ADAM23: variants seen among roughly 807,000 people sequenced by gnomAD.
ADAM23 encodes ADAM metallopeptidase domain 23, also known as disintegrin and metalloproteinase domain-containing protein 23.
In ADAM23, 33 loss-of-function variants were observed where a neutral mutation model predicts 120.1. That is an observed-to-expected ratio of 0.27 (90% CI 0.21 to 0.37). The LOEUF is 0.37. ADAM23 is among the 10% of genes least tolerant of loss of function. The pLI, the probability that ADAM23 is intolerant of heterozygous loss-of-function variation, is 1.00. For missense variants in ADAM23, 862 were observed against 1,058.2 expected, an observed-to-expected ratio of 0.81 and a Z score of 2.57; for synonymous variants, 367 against 375.2, an observed-to-expected ratio of 0.98 and a Z score of 0.25.
intron 18 of ADAM23, among the ~76,000 whole-genome samples, chr2:206,582,473 G>C (rs894894466): frequency 6.6e-6 from 1 of 152,092 alleles, no homozygotes; most frequent in South Asian, 2.1e-4. Flanking sequence ...CAGATGGTTG[G>C]TGAGTTCTTA....
intron 3 of ADAM23, among the ~76,000 whole-genome samples, chr2:206,487,279 A>G (rs2105882763): frequency 6.6e-6 from 1 of 152,334 alleles, no homozygotes; most frequent in East Asian, 1.9e-4. Context: ...TCAGGTCATA[A>G]GAAATGCTGC....
intron 22 of ADAM23, 104 bp downstream of exon 22, chr2:206,592,840 C>T (rs1698451319): frequency 7.3e-7 from 1 of 1,378,016 alleles, no homozygotes; most frequent in African/African-American, 1.5e-5. Flanking sequence ...CTAGTTTTTA[C>T]AAGAGGAAAG....
chr2:206,551,999 C>G (rs999703765), intron 9 of ADAM23, among the ~76,000 whole-genome samples: 3 of 152,242 alleles, frequency 2.0e-5, no homozygotes, highest in Admixed American at 6.5e-5. Context: ...TTCTGAAGGA[C>G]TTTAATTTGC....
rs148310640 is a variant in ADAM23, at chr2:206,552,652, G to T, written c.933+2492G>T. Among the ~76,000 whole-genome samples the T allele has an allele frequency of 6.2e-4, 94 of 151,716 alleles. 1 individual carries two copies. Among genetic ancestry groups the T allele is most frequent in the African/African-American group, 2.0e-3 (84 of 41,446 alleles). ...ATAATTCATTTTATTATTGTTGTTA[G>T]TATTATTATTATTATTGTTATTATT... On this transcript the variant is annotated intron_variant, in intron 9 of 25. Transcript: ENST00000264377.
intron 2 of ADAM23, among the ~76,000 whole-genome samples, chr2:206,468,244 C>T (rs1559220602): frequency 6.6e-6 from 1 of 152,224 alleles, no homozygotes. Context: ...TTTTTCACCA[C>T]ATGGCCAGGC....
At chr2:206,531,486 G>C (rs1697061830) in intron 4 of ADAM23, among the ~76,000 whole-genome samples, 1 of 152,224 alleles carries the variant, frequency 6.6e-6, no homozygotes, top group African/African-American at 2.4e-5. Context: ...ACGGGACATT[G>C]AATATGAGGG....
At chr2:206,530,253 G>T (rs769573727) in intron 3 of ADAM23, among the ~76,000 whole-genome samples, 1 of 152,182 alleles carries the variant, frequency 6.6e-6, no homozygotes. Context: ...CATACTGCCC[G>T]TGGCTGCTTT....
rs562714948 is a variant in ADAM23 at position 206,560,371 on chromosome 2, G to C, written c.1169+253G>C. Among the ~76,000 whole-genome samples, 27 of 151,834 alleles carry C rather than the reference G, an allele frequency of 1.8e-4. No homozygotes were observed. In the East Asian group the frequency reaches 5.2e-3, roughly 29 times the overall value. On this transcript the variant is annotated intron_variant, in intron 11 of 25. Coordinates refer to ENST00000264377, the MANE Select transcript of ADAM23 (RefSeq NM_003812.4). ...GATCAACTCACAATCTAGGATGCCT[G>C]CTGGCCCTCCAGCCTTCATTACTGG...
In ADAM23 at chr2:206,589,348, A is replaced by G. The variant is rs1186002859; in HGVS notation, c.1853-61A>G. 3 of 1,420,072 alleles carry G rather than the reference A, an allele frequency of 2.1e-6. No homozygotes were observed. The African/African-American group carries it at 4.2e-5, about 20-fold the overall frequency. 88.0% of individuals were successfully genotyped at this position (1,420,072 alleles called of 1,614,324 possible). On this transcript the variant is annotated intron_variant, in intron 20 of 25. Coordinates refer to ENST00000264377, the MANE Select transcript of ADAM23 (RefSeq NM_003812.4). ...GGTGTTAAACACTTACTGGCACACT[A>G]CTGGTTATGGATAACAAAGAAAATG...
intron 9 of ADAM23, among the ~76,000 whole-genome samples, chr2:206,553,670 A>T (rs1697581636): frequency 6.6e-6 from 1 of 152,144 alleles, no homozygotes; most frequent in Admixed American, 6.5e-5. Context: ...TTTCTATGAG[A>T]TGAAGGTTGT....
chr2:206,485,339 G>A (rs1695988949), intron 3 of ADAM23, among the ~76,000 whole-genome samples: 1 of 152,232 alleles, frequency 6.6e-6, no homozygotes, highest in South Asian at 2.1e-4. Context: ...TCTGAGGAAA[G>A]AGGGACCTCA....
chr2:206,610,141 G>T, intron 25 of ADAM23, 141 bp downstream of exon 25: 1 of 706,660 alleles, frequency 1.4e-6, no homozygotes, highest in Non-Finnish European at 2.2e-6. Context: ...ATTCAGAAAT[G>T]GGTTAGAAAT....
At chr2:206,572,014 C>T (rs1344763913) in intron 17 of ADAM23, among the ~76,000 whole-genome samples, 198 bp downstream of exon 17, 2 of 152,140 alleles carry the variant, frequency 1.3e-5, no homozygotes, top group African/African-American at 4.8e-5. Flanking sequence ...CACTACCAAC[C>T]ATCTTATCCT....
At chr2:206,524,232 G>A (rs779988739) in intron 3 of ADAM23, among the ~76,000 whole-genome samples, 2 of 152,182 alleles carry the variant, frequency 1.3e-5, no homozygotes, top group Non-Finnish European at 1.5e-5. Flanking sequence ...ACATATGGAA[G>A]TAACTTACAT....
At chr2:206,603,588 CA>C (rs1231441379) in intron 24 of ADAM23, among the ~76,000 whole-genome samples, 12 of 152,034 alleles carry the variant, frequency 7.9e-5, no homozygotes, top group Non-Finnish European at 1.8e-4. Flanking sequence ...GAGTACTTAC[CA>C]GCTAATAATG....
chr2:206,594,413 T>G (rs191437238), intron 22 of ADAM23, among the ~76,000 whole-genome samples: 7 of 152,330 alleles, frequency 4.6e-5, no homozygotes, highest in Admixed American at 3.3e-4. Context: ...TATATTTGCT[T>G]CTTTTGTTCT....
chr2:206,567,301 C>T lies in ADAM23; in HGVS notation c.1473C>T (p.Cys491=). The T allele has an allele frequency of 6.2e-7, 1 of 1,613,556 alleles. No individual in the cohort carries two copies. The highest frequency in any genetic ancestry group is 8.5e-7 in the Non-Finnish European group (1 of 1,179,636). The part of the protein sequence containing the change: ...RDFLQRGGGA[C]LFNRPTKLFE... Reference sequence around the variant, plus strand: ...TTTTACAGAGAGGAGGTGGAGCCTGCCTTTTCAACAGGCCAACAAAGGTTA... The same window carrying T: ...TTTTACAGAGAGGAGGTGGAGCCTGTCTTTTCAACAGGCCAACAAAGGTTA... Residue 491 remains cysteine, a synonymous_variant, in exon 15 of 26, where the codon TGC becomes TGT. Coordinates refer to ENST00000264377, the MANE Select transcript of ADAM23 (RefSeq NM_003812.4).
At chr2:206,605,885 G>A (rs1559286794) in intron 24 of ADAM23, 1 of 668,626 alleles carries the variant, frequency 1.5e-6, no homozygotes, top group East Asian at 2.7e-5. Context: ...AATAGAGTAA[G>A]CATCCTTGCC....
rs71034457 is a variant in ADAM23 at position 206,477,897 on chromosome 2, A to AATAT, written c.433-3313_433-3310dup. Among the ~76,000 whole-genome samples the AATAT allele has an allele frequency of 1.3e-3, 118 of 93,548 alleles. 1 individual carries two copies. Among genetic ancestry groups the AATAT allele is most frequent in the Admixed American group, 5.9e-3 (47 of 7,952 alleles). 61.4% of individuals were successfully genotyped at this position (93,548 alleles called of 152,430 possible). A position where few individuals can be genotyped will look rare whatever the true frequency, so the allele number is the denominator to read the frequency against. Reference sequence around the variant, plus strand: ...TATTCTGTTAAAAAAAAAAAAAAAAAATATATATATATATATATATATATA... The same window carrying AATAT: ...TATTCTGTTAAAAAAAAAAAAAAAAAATATATATATATATATATATATATATATA... On this transcript the variant is annotated intron_variant, in intron 2 of 25. Coordinates refer to ENST00000264377, the MANE Select transcript of ADAM23 (RefSeq NM_003812.4).
Sources: gnomAD v4.1 joint callset for allele counts (sites outside exome capture counted in the v4.1 genomes callset) on GRCh38, gnomAD v4.1.1 for gene constraint, MANE v1.5 for transcripts, NCBI Gene and HGNC (gene_info 2026-07-23, HGNC 2026-07-21) for gene names.